Variants in AADAT observed in about 807,000 individuals in gnomAD.
The protein encoded by AADAT is kynurenine/alpha-aminoadipate aminotransferase, mitochondrial.
A neutral mutation model predicts 56.2 loss-of-function variants in AADAT; 25 were observed. That is an observed-to-expected ratio of 0.44 (90% CI 0.32 to 0.62). The LOEUF (loss-of-function observed/expected upper bound fraction) is 0.62. Among genes scored for constraint, AADAT ranks in the 20% least tolerant of loss-of-function variants. The pLI is 0.04. For missense variants in AADAT, 387 were observed against 510.5 expected (o/e 0.76, Z 2.33); for synonymous variants, 173 against 164.7 (o/e 1.05, Z -0.39).
At chr4:170,073,649 G>A (rs957471697) in intron 4 of AADAT, among the ~76,000 whole-genome samples, 3 of 151,858 alleles carry the variant, frequency 2.0e-5, no homozygotes, top group Non-Finnish European at 4.4e-5. Context: ...ACAGGTGCAC[G>A]CCACCACGCC....
upstream of AADAT, among the ~76,000 whole-genome samples, chr4:170,092,131 A>C (rs560692963): frequency 6.6e-5 from 10 of 152,368 alleles, no homozygotes; most frequent in African/African-American, 2.4e-4. Flanking sequence ...GGGGCCAGAT[A>C]AGAGAATAAA....
upstream of AADAT, among the ~76,000 whole-genome samples, chr4:170,092,693 T>C (rs896255580): frequency 2.0e-5 from 3 of 152,230 alleles, no homozygotes; most frequent in South Asian, 4.1e-4. Flanking sequence ...TTTGGACAAG[T>C]TAATTAACCT....
chr4:170,090,664 C>T (rs1420693012), upstream of AADAT: 1 of 152,024 alleles, frequency 6.6e-6, no homozygotes, highest in Non-Finnish European at 1.5e-5. Flanking sequence ...GGTCTAGCAC[C>T]TTGCCTTTTT....
intron 5 of AADAT, among the ~76,000 whole-genome samples, chr4:170,071,569 G>A (rs986904532): frequency 1.3e-5 from 2 of 152,168 alleles, no homozygotes; most frequent in African/African-American, 4.8e-5. Flanking sequence ...TATTTTAACT[G>A]CAAGGAGAAA....
At chr4:170,080,702 G>C (rs1732256558) in intron 3 of AADAT, among the ~76,000 whole-genome samples, 1 of 152,158 alleles carries the variant, frequency 6.6e-6, no homozygotes, top group African/African-American at 2.4e-5. Context: ...ATTTGGGACA[G>C]GCTGTTCTCG....
At chr4:170,082,795 T>C (rs375406069) in intron 3 of AADAT, among the ~76,000 whole-genome samples, 5 of 151,426 alleles carry the variant, frequency 3.3e-5, no homozygotes, top group Non-Finnish European at 7.4e-5. Flanking sequence ...TTAGAAAAAA[T>C]AGACTACAAA....
intron 3 of AADAT, among the ~76,000 whole-genome samples, chr4:170,086,620 C>T (rs1369850116): frequency 2.0e-5 from 3 of 152,106 alleles, no homozygotes; most frequent in Admixed American, 6.5e-5. Flanking sequence ...AGGCGGAAAT[C>T]AAACGTAACT....
chr4:170,093,296 G>A (rs184637766), upstream of AADAT, among the ~76,000 whole-genome samples: 5 of 152,244 alleles, frequency 3.3e-5, no homozygotes, highest in East Asian at 9.7e-4. Context: ...GGTGTTTGGT[G>A]GCAGATGCCT....
At chr4:170,092,602 A>G (rs545344440), upstream of AADAT, among the ~76,000 whole-genome samples, 1 of 152,346 alleles carries the variant, frequency 6.6e-6, no homozygotes, top group South Asian at 2.1e-4. Flanking sequence ...AACCTGTTAG[A>G]AACCCACGAG....
At chr4:170,076,659 T>C (rs1400485402) in intron 4 of AADAT, among the ~76,000 whole-genome samples, 2 of 152,230 alleles carry the variant, frequency 1.3e-5, no homozygotes, top group Admixed American at 1.3e-4. Context: ...TTTCTCCCAC[T>C]GTATAGACTC....
At chr4:170,084,776 A>G (rs973039677) in intron 3 of AADAT, among the ~76,000 whole-genome samples, 3 of 152,214 alleles carry the variant, frequency 2.0e-5, no homozygotes, top group Admixed American at 2.0e-4. Context: ...CCTCCTCCGA[A>G]AAGTTTCTAA....
At chr4:170,089,553 A>G in intron 1 of AADAT, 71 bp downstream of exon 1, 1 of 1,578,958 alleles carries the variant, frequency 6.3e-7, no homozygotes, top group Admixed American at 1.7e-5. Context: ...GTGGCTTGCT[A>G]GGGAACCCTC....
chr4:170,083,260 G>A (rs75687432), intron 3 of AADAT, among the ~76,000 whole-genome samples: 2,550 of 151,944 alleles, frequency 0.017, 77 homozygotes, highest in African/African-American at 0.059. Context: ...GCAAACACAC[G>A]AAAATTAAAC....
intron 2 of AADAT, 113 bp downstream of exon 2, chr4:170,088,256 TGAATGACCAAATGGGTCAATGGCTTTA>T: frequency 1.2e-6 from 1 of 856,924 alleles, no homozygotes; most frequent in Non-Finnish European, 1.7e-6. Context: ...ATTTGGTCAT[TGAATGACCAAATGGGTCAATGGCTTTA>T]GAATATTTAT....
chr4:170,088,019 A>C (rs1189949959), intron 2 of AADAT, among the ~76,000 whole-genome samples: 4 of 150,796 alleles, frequency 2.7e-5, no homozygotes, highest in Non-Finnish European at 5.9e-5. Context: ...CCGTTTCTTC[A>C]TTTCTCCTGA....
rs539451450 is a variant in AADAT at position 170,089,919 on chromosome 4, G to A, written c.-229C>T. The A allele has an allele frequency of 2.2e-6, 1 of 458,006 alleles. No homozygotes were observed. The highest frequency in any genetic ancestry group is 2.0e-5 in the African/African-American group (1 of 48,880). 28.4% of individuals were successfully genotyped at this position (458,006 alleles called of 1,614,324 possible). On this transcript the variant is annotated 5_prime_UTR_variant, in exon 1 of 13. Coordinates refer to ENST00000337664, the MANE Select transcript of AADAT (RefSeq NM_016228.4). ...CGGTCCTAAACGGGTCTGGGGCTGTGTGGCGAGCCCGGCAAAGTCCACGCC... is the reference window on the plus strand; with the variant it reads ...CGGTCCTAAACGGGTCTGGGGCTGTATGGCGAGCCCGGCAAAGTCCACGCC...
chr4:170,089,834 G>C lies in AADAT; in HGVS notation c.-144C>G. On this transcript the variant is annotated 5_prime_UTR_variant, in exon 1 of 13. Transcript: ENST00000337664. ...GTCCCCCCGCTGCGTCTGGCTTCCC[G>C]CGCGCGGTGCCCGGAGAACGCCGCC... The C allele has an allele frequency of 1.3e-6, 1 of 795,854 alleles. No homozygotes were observed. The highest frequency in any genetic ancestry group is 2.0e-6 in the Non-Finnish European group (1 of 491,522). The allele number at this position is 795,854 out of a possible 1,614,324, so 49.3% of individuals were successfully genotyped here.
At position 170,081,922 on chromosome 4, in the gene AADAT, C is replaced by T. The variant is rs72975164; in HGVS notation, c.370-3339G>A. ...GAATATTGTATCCAGCAAAATTATC[C>T]TTCAAATATGATGGAGAGATAAAGT... On this transcript the variant is annotated intron_variant, in intron 3 of 12. Coordinates refer to ENST00000337664, the MANE Select transcript of AADAT (RefSeq NM_016228.4). Among the ~76,000 whole-genome samples the T allele has an allele frequency of 8.7e-3, 1,318 of 152,244 alleles. 22 individuals carry two copies. Among genetic ancestry groups the T allele is most frequent in the African/African-American group, 0.029 (1,209 of 41,530 alleles).
rs749090252 is a variant in AADAT at position 170,061,937 on chromosome 4, G to A, written c.1191C>T (p.Tyr397=). 1.4e-5 allele frequency: 23 copies of A among 1,613,176 alleles called. No homozygotes were observed. In the African/African-American group the frequency reaches 2.4e-4, roughly 17 times the overall value. ...FYVDSSAPSP[Y]LRASFSSASP... The stretch of plus-strand genomic sequence containing the variant: ...AAGCTGAAGAGAAGGATGCTCTCAA[G>A]TAAGGGCTAGGAGCTGAGCTATCGA... The change falls in exon 12 of 13, where the codon TAC becomes TAT. Residue 397 remains tyrosine (Y), a synonymous_variant. Transcript: ENST00000337664.
Sources: allele counts gnomAD v4.1 joint callset (sites outside exome capture counted in the v4.1 genomes callset), GRCh38; gene constraint gnomAD v4.1.1; transcripts MANE v1.5; gene names NCBI Gene and HGNC (gene_info 2026-07-23, HGNC 2026-07-21).